Variants in RSPO3 observed in about 807,000 individuals in gnomAD.
RSPO3 encodes the protein R-spondin 3, also known as R-spondin-3.
In RSPO3, 17 loss-of-function variants were observed where a neutral mutation model predicts 36.5. That is an observed-to-expected ratio of 0.47 (90% CI 0.32 to 0.70). RSPO3 has a LOEUF of 0.70. RSPO3 is among the 30% of genes least tolerant of loss of function. The pLI, the probability that RSPO3 is intolerant of heterozygous loss-of-function variation, is 0.04. For synonymous variants in RSPO3, 108 were observed against 107.0 expected, an observed-to-expected ratio of 1.01 and a Z score of -0.06; for missense variants, 294 against 322.5, an observed-to-expected ratio of 0.91 and a Z score of 0.68.
chr6:127,164,802 T>A (rs1774781814), intron 4 of RSPO3, among the ~76,000 whole-genome samples: 2 of 152,108 alleles, frequency 1.3e-5, no homozygotes, highest in Admixed American at 6.6e-5. Flanking sequence ...CACCAGGTCA[T>A]AACTCTAGCC....
At chr6:127,159,636 A>ACAT (rs1328980506) in intron 4 of RSPO3, among the ~76,000 whole-genome samples, 1 of 148,636 alleles carries the variant, frequency 6.7e-6, no homozygotes, top group Non-Finnish European at 1.5e-5. Flanking sequence ...GGCATTACAT[A>ACAT]CATTCTCCTT....
At chr6:127,187,797 G>C (rs566115921) in intron 4 of RSPO3, among the ~76,000 whole-genome samples, 18 of 152,082 alleles carry the variant, frequency 1.2e-4, no homozygotes, top group Admixed American at 2.0e-4. Flanking sequence ...CCATACAAAA[G>C]AATGCAAAAT....
rs1220617763 is a variant in RSPO3, at chr6:127,198,392, T to C, written c.*2385T>C. Among the ~76,000 whole-genome samples the C allele has an allele frequency of 2.0e-5, 3 of 152,188 alleles. No individual in the cohort carries two copies. Among genetic ancestry groups the C allele is most frequent in the Non-Finnish European group, 2.9e-5 (2 of 68,030 alleles). On this transcript the variant is annotated 3_prime_UTR_variant, in exon 5 of 5. Transcript: ENST00000356698. ...GTAACAGATCCTTAAGACAATAGAA[T>C]CATACAGTATTCAAACCAGCAGCCT...
intron 4 of RSPO3, among the ~76,000 whole-genome samples, chr6:127,190,369 A>G (rs1272756218): frequency 6.6e-6 from 1 of 152,162 alleles, no homozygotes; most frequent in Non-Finnish European, 1.5e-5. Context: ...CAGAGGTTGC[A>G]GTGAGCCAGG....
intron 4 of RSPO3, among the ~76,000 whole-genome samples, chr6:127,163,673 TTC>T (rs1177415638): frequency 1.4e-5 from 2 of 146,486 alleles, no homozygotes; most frequent in Admixed American, 6.9e-5. Flanking sequence ...CCTAAAATTT[TTC>T]TGTTTTTCAG....
At chr6:127,125,451 T>C (rs1296694742) in intron 1 of RSPO3, among the ~76,000 whole-genome samples, 1 of 152,190 alleles carries the variant, frequency 6.6e-6, no homozygotes, top group Non-Finnish European at 1.5e-5. Context: ...GTCCTTTTAC[T>C]ATACCAAGCT....
chr6:127,131,712 G>A lies in RSPO3; in HGVS notation c.97+12423G>A, dbSNP rs111592321. On this transcript the variant is annotated intron_variant, in intron 1 of 4. Transcript: ENST00000356698. ...AAACAGTGCTGCATTTATCTTGGCA[G>A]ATGTCAGTTTTCCCCCCACTAGCTC... Among the ~76,000 whole-genome samples, 1,184 of 152,190 alleles carry A rather than the reference G, an allele frequency of 7.8e-3. 13 individuals carry two copies. The highest frequency in any genetic ancestry group is 0.027 in the African/African-American group (1,129 of 41,550).
intron 1 of RSPO3, among the ~76,000 whole-genome samples, chr6:127,120,963 C>T (rs1773832666): frequency 6.6e-6 from 1 of 152,276 alleles, no homozygotes; most frequent in Non-Finnish European, 1.5e-5. Context: ...GCCTCCTCTC[C>T]TCCCAGGGTC....
In RSPO3 at chr6:127,150,585, T is replaced by C. The variant is rs1774472478; in HGVS notation, c.436+13T>C. On this transcript the variant is annotated intron_variant, in intron 3 of 4. Coordinates refer to ENST00000356698, the MANE Select transcript of RSPO3 (RefSeq NM_032784.5). ...TGTGTCAGTATTGGTAAGGAGAACC[T>C]GTAATAATTTGAGTAAGTGATAATG... 6.3e-7 allele frequency: 1 copy of C among 1,597,918 alleles called. No individual in the cohort carries two copies. Among genetic ancestry groups the C allele is most frequent in the Non-Finnish European group, 8.5e-7 (1 of 1,173,592 alleles).
intron 1 of RSPO3, among the ~76,000 whole-genome samples, chr6:127,134,499 GACC>G (rs1245738038): frequency 7.2e-5 from 11 of 152,190 alleles, no homozygotes; most frequent in African/African-American, 2.6e-4. Context: ...GTAACCCCAT[GACC>G]ACCACATAAA....
chr6:127,176,770 A>G (rs1435952874), intron 4 of RSPO3, among the ~76,000 whole-genome samples: 2 of 151,808 alleles, frequency 1.3e-5, no homozygotes, highest in Admixed American at 6.6e-5. Context: ...AATAAAATCA[A>G]AGTTCATCTT....
At chr6:127,142,853 G>A (rs1009422212) in intron 1 of RSPO3, among the ~76,000 whole-genome samples, 1 of 151,390 alleles carries the variant, frequency 6.6e-6, no homozygotes, top group Non-Finnish European at 1.5e-5. Flanking sequence ...GTATCTCTCT[G>A]TCATCCAGGC....
At position 127,146,434 on chromosome 6, in the gene RSPO3, A is replaced by G. The variant is rs1265752813; in HGVS notation, c.98-2214A>G. On this transcript the variant is annotated intron_variant, in intron 1 of 4. Transcript: ENST00000356698. Reference sequence around the variant, plus strand: ...CATAATTTCAGTGGATACAGTTACAATCATGAGACTTATTCAAAGCTCTCT... The same window carrying G: ...CATAATTTCAGTGGATACAGTTACAGTCATGAGACTTATTCAAAGCTCTCT... Among the ~76,000 whole-genome samples, 9 of 152,158 alleles carry G rather than the reference A, an allele frequency of 5.9e-5. 1 individual carries two copies. Among genetic ancestry groups the G allele is most frequent in the Non-Finnish European group, 2.9e-5 (2 of 68,010 alleles).
intron 4 of RSPO3, among the ~76,000 whole-genome samples, chr6:127,158,873 G>T (rs1487726218): frequency 6.6e-6 from 1 of 151,874 alleles, no homozygotes; most frequent in African/African-American, 2.4e-5. Flanking sequence ...TTAGTAAGAG[G>T]TCATTACCAA....
intron 1 of RSPO3, among the ~76,000 whole-genome samples, chr6:127,140,559 A>G (rs1310877311): frequency 1.3e-5 from 2 of 152,236 alleles, no homozygotes; most frequent in Non-Finnish European, 2.9e-5. Context: ...AGTTAAAAAG[A>G]GAACATATCT....
At chr6:127,182,405 CTTTAAAACTTT>C (rs1249485981) in intron 4 of RSPO3, among the ~76,000 whole-genome samples, 2 of 151,872 alleles carry the variant, frequency 1.3e-5, no homozygotes, top group Non-Finnish European at 2.9e-5. Flanking sequence ...CTCTTTACCC[CTTTAAAACTTT>C]TTTCTATCTA....
chr6:127,140,566 A>G (rs1047857194), intron 1 of RSPO3, among the ~76,000 whole-genome samples: 2 of 152,238 alleles, frequency 1.3e-5, no homozygotes, highest in Non-Finnish European at 2.9e-5. Flanking sequence ...AAGAGAACAT[A>G]TCTTCATGGA....
chr6:127,153,386 C>T (rs1287078721), intron 3 of RSPO3, among the ~76,000 whole-genome samples: 4 of 151,478 alleles, frequency 2.6e-5, no homozygotes, highest in South Asian at 2.1e-4. Flanking sequence ...TGGATGCTAA[C>T]ATTATAGGTT....
At chr6:127,191,288 T>G (rs1775405171) in intron 4 of RSPO3, among the ~76,000 whole-genome samples, 1 of 152,156 alleles carries the variant, frequency 6.6e-6, no homozygotes, top group African/African-American at 2.4e-5. Flanking sequence ...TTGAAGAAAT[T>G]GGGTCTTCTG....
Sources: gnomAD v4.1 joint callset for allele counts (sites outside exome capture counted in the v4.1 genomes callset) on GRCh38, gnomAD v4.1.1 for gene constraint, MANE v1.5 for transcripts, NCBI Gene and HGNC (gene_info 2026-07-23, HGNC 2026-07-21) for gene names.